The following TRIO variants were observed in gnomAD, a reference collection of about 807,000 sequenced individuals.
TRIO encodes the protein trio Rho guanine nucleotide exchange factor.
In TRIO, 58 loss-of-function variants were observed where a neutral mutation model predicts 351.9. That is an observed-to-expected ratio of 0.16 (90% confidence interval 0.13 to 0.21). The LOEUF is 0.21. Ranked by LOEUF, TRIO falls within the 10% of genes least tolerant of loss-of-function variation. TRIO has a pLI of 1.00. For synonymous variants in TRIO, 1,758 were observed against 1,595.7 expected (o/e 1.10, Z -2.42); for missense variants, 3,201 against 4,027.8 (o/e 0.79, Z 5.56).
chr5:14,330,967 T>TA, intron 10 of TRIO, 67 bp downstream of exon 10: 1 of 1,598,616 alleles, frequency 6.3e-7, no homozygotes, highest in Non-Finnish European at 8.5e-7. Flanking sequence ...ATTACAGTTT[T>TA]AACCACATTT....
chr5:14,431,003 C>T (rs1411873223), intron 34 of TRIO, among the ~76,000 whole-genome samples: 5 of 152,174 alleles, frequency 3.3e-5, no homozygotes, highest in African/African-American at 1.2e-4. Context: ...TGAGCCACTG[C>T]GCCTGGCCTG....
intron 2 of TRIO, among the ~76,000 whole-genome samples, chr5:14,279,336 TA>T (rs1735793431): frequency 6.6e-6 from 1 of 151,552 alleles, no homozygotes. Context: ...TTGGCTGTTC[TA>T]AAAGGAAAGA....
intron 7 of TRIO, among the ~76,000 whole-genome samples, chr5:14,298,206 A>G (rs773660594): frequency 6.6e-6 from 1 of 152,294 alleles, no homozygotes; most frequent in African/African-American, 2.4e-5. Flanking sequence ...TTAAGAAGTA[A>G]TGGGTAATAT....
intron 34 of TRIO, among the ~76,000 whole-genome samples, chr5:14,441,740 T>C (rs1040340642): frequency 2.0e-5 from 3 of 152,250 alleles, no homozygotes; most frequent in Non-Finnish European, 4.4e-5. Context: ...AGGTTTAATT[T>C]TGTTTGGAGG....
intron 1 of TRIO, among the ~76,000 whole-genome samples, chr5:14,210,694 A>G (rs1791834534): frequency 6.6e-6 from 1 of 152,214 alleles, no homozygotes; most frequent in Admixed American, 6.5e-5. Flanking sequence ...AACATGAATC[A>G]TAGATATCAC....
chr5:14,374,466 A>G, intron 19 of TRIO, 123 bp downstream of exon 19: 2 of 595,292 alleles, frequency 3.4e-6, no homozygotes, highest in Non-Finnish European at 5.7e-6. Flanking sequence ...GTTTCATGTT[A>G]ATGAAGTCCT....
At chr5:14,406,392 C>G (rs942353426) in intron 32 of TRIO, 181 bp from the exon 33 acceptor site, 25 of 623,660 alleles carry the variant, frequency 4.0e-5, no homozygotes, top group Middle Eastern at 6.4e-4. Flanking sequence ...GTTTTAAACA[C>G]TCAGCACAGT....
chr5:14,398,582 G>A (rs565388117), intron 29 of TRIO, among the ~76,000 whole-genome samples: 1 of 152,244 alleles, frequency 6.6e-6, no homozygotes, highest in East Asian at 1.9e-4. Context: ...AGTAGAGGGT[G>A]GAACCAGATC....
At chr5:14,168,000 A>G (rs1788871744) in intron 1 of TRIO, among the ~76,000 whole-genome samples, 1 of 152,220 alleles carries the variant, frequency 6.6e-6, no homozygotes, top group Non-Finnish European at 1.5e-5. Flanking sequence ...GCAAATCAGG[A>G]AGGGAAGAAG....
intron 1 of TRIO, among the ~76,000 whole-genome samples, chr5:14,156,774 C>A (rs1371461519): frequency 6.6e-6 from 1 of 152,202 alleles, no homozygotes; most frequent in Admixed American, 6.5e-5. Flanking sequence ...TTCTGTTCAG[C>A]TCAGTGCCTT....
At chr5:14,460,987 T>G in intron 34 of TRIO, 32 bp from the exon 35 acceptor site, 1 of 1,514,738 alleles carries the variant, frequency 6.6e-7, no homozygotes, top group Non-Finnish European at 8.9e-7. Context: ...TCTGTGCGAG[T>G]CAGTGATACT....
chr5:14,256,055 T>A (rs561925949), intron 1 of TRIO, among the ~76,000 whole-genome samples: 1 of 152,168 alleles, frequency 6.6e-6, no homozygotes, highest in South Asian at 2.1e-4. Flanking sequence ...GACTGTGTAA[T>A]TTATAAGGAA....
At position 14,461,191 on chromosome 5, in the gene TRIO, C is replaced by G; in HGVS notation, c.5376C>G (p.His1792Gln). ...TCAGCAGCGGCAAGGCCGACGGGCA[C>G]GTGAAGAAGCTGGCGCACAAGCACA... ...RRLSSGKADG[H>Q]VKKLAHKHKK... The change falls in exon 35 of 57, where the codon CAC becomes CAG. Residue 1792 changes from histidine (H) to glutamine (Q), a missense_variant. Coordinates refer to ENST00000344204, the MANE Select transcript of TRIO (RefSeq NM_007118.4). 6.4e-7 allele frequency: 1 copy of G among 1,563,380 alleles called. No individual in the cohort carries two copies. The highest frequency in any genetic ancestry group is 8.7e-7 in the Non-Finnish European group (1 of 1,154,662).
intron 1 of TRIO, among the ~76,000 whole-genome samples, chr5:14,168,836 T>G (rs576046006): frequency 6.6e-6 from 1 of 152,352 alleles, no homozygotes; most frequent in South Asian, 2.1e-4. Flanking sequence ...TTGGAAAAAG[T>G]GTTGAGATGC....
intron 1 of TRIO, among the ~76,000 whole-genome samples, chr5:14,230,342 G>GTT (rs1212989772): frequency 6.9e-5 from 1 of 14,442 alleles, no homozygotes; most frequent in East Asian, 0.071. Flanking sequence ...CAAGATGTTT[G>GTT]TGTGTGTGTG....
intron 33 of TRIO, among the ~76,000 whole-genome samples, chr5:14,410,054 C>G (rs552009746): frequency 6.6e-6 from 1 of 152,138 alleles, no homozygotes; most frequent in Non-Finnish European, 1.5e-5. Flanking sequence ...ATGCCACTTG[C>G]TGAGAGCATC....
chr5:14,193,334 A>C (rs1790564803), intron 1 of TRIO, among the ~76,000 whole-genome samples: 1 of 152,242 alleles, frequency 6.6e-6, no homozygotes, highest in Non-Finnish European at 1.5e-5. Flanking sequence ...CAGATAAAAT[A>C]CTGCAAGGAT....
chr5:14,331,003 T>C, intron 10 of TRIO, 103 bp downstream of exon 10: 2 of 1,524,724 alleles, frequency 1.3e-6, no homozygotes, highest in Non-Finnish European at 1.8e-6. Flanking sequence ...TAGCTCGATG[T>C]GTTTGACACC....
chr5:14,229,442 G>A (rs1289459039), intron 1 of TRIO, among the ~76,000 whole-genome samples: 1 of 152,228 alleles, frequency 6.6e-6, no homozygotes, highest in Non-Finnish European at 1.5e-5. Context: ...AGGCCTGGAG[G>A]AGAGGGGATC....
Sources: gnomAD v4.1 joint callset for allele counts (sites outside exome capture counted in the v4.1 genomes callset) on GRCh38, gnomAD v4.1.1 for gene constraint, MANE v1.5 for transcripts, NCBI Gene and HGNC (gene_info 2026-07-23, HGNC 2026-07-21) for gene names.